ROR1: variants seen among roughly 807,000 people sequenced by gnomAD.
ROR1 encodes inactive tyrosine-protein kinase transmembrane receptor ROR1.
ROR1 carries 19 observed loss-of-function variants against 78.8 expected under a neutral mutation model. The ratio of observed to expected loss-of-function variants is 0.24; its 90% CI spans 0.17 to 0.35. The LOEUF (loss-of-function observed/expected upper bound fraction) is 0.35, where lower values mean the gene tolerates loss of function less well. Ranked by LOEUF, ROR1 falls within the 10% of genes least tolerant of loss-of-function variation. The pLI is 1.00. For synonymous variants in ROR1, 386 were observed against 433.6 expected, an observed-to-expected ratio of 0.89 and a Z score of 1.36; for missense variants, 917 against 1,177.8, an observed-to-expected ratio of 0.78 and a Z score of 3.24.
At chr1:63,951,417 A>G (rs182994264) in intron 1 of ROR1, among the ~76,000 whole-genome samples, 2 of 152,206 alleles carry the variant, frequency 1.3e-5, no homozygotes, top group Admixed American at 1.3e-4. Context: ...AATACAGATC[A>G]TGTCAGTCAA....
chr1:63,930,407 C>T (rs928624801), intron 1 of ROR1, among the ~76,000 whole-genome samples: 12 of 152,160 alleles, frequency 7.9e-5, no homozygotes, highest in African/African-American at 2.7e-4. Flanking sequence ...TAAAAATCAT[C>T]GTAAATCTCT....
intron 1 of ROR1, among the ~76,000 whole-genome samples, chr1:63,977,843 C>T (rs941417090): frequency 1.3e-5 from 2 of 152,172 alleles, no homozygotes; most frequent in African/African-American, 4.8e-5. Context: ...GTGGCATGCA[C>T]ATCTATACCA....
intron 1 of ROR1, among the ~76,000 whole-genome samples, chr1:63,822,233 A>C (rs969884054): frequency 6.6e-6 from 1 of 152,190 alleles, no homozygotes; most frequent in Non-Finnish European, 1.5e-5. Flanking sequence ...AAACTGTGGT[A>C]TATGTAACAG....
At chr1:63,948,993 T>A (rs1332190127) in intron 1 of ROR1, among the ~76,000 whole-genome samples, 1 of 152,180 alleles carries the variant, frequency 6.6e-6, no homozygotes, top group Non-Finnish European at 1.5e-5. Flanking sequence ...TTCATTGCTA[T>A]GACATTATAA....
intron 7 of ROR1, among the ~76,000 whole-genome samples, chr1:64,152,287 T>C (rs1649649564): frequency 6.6e-6 from 1 of 152,232 alleles, no homozygotes; most frequent in Non-Finnish European, 1.5e-5. Flanking sequence ...TGGGTCCTCC[T>C]ACATTTCCTT....
chr1:64,178,061 G>A lies in ROR1; in HGVS notation c.2020G>A (p.Asp674Asn). 1 of 1,614,156 alleles carries A rather than the reference G, an allele frequency of 6.2e-7. No individual in the cohort carries two copies. The highest frequency in any genetic ancestry group is 8.5e-7 in the Non-Finnish European group (1 of 1,180,040). ...GTATGGCAAATTCTCTTCTGATTCAGATATCTGGTCCTTTGGGGTTGTCTT... is the reference window on the plus strand; with the variant it reads ...GTATGGCAAATTCTCTTCTGATTCAAATATCTGGTCCTTTGGGGTTGTCTT... ...IMYGKFSSDS[D>N]IWSFGVVLWE... Residue 674 changes from aspartate to asparagine, a missense_variant, in exon 9 of 9, where the codon GAT (aspartate) becomes AAT (asparagine). Transcript: ENST00000371079. This position sits in a 1 kb window ranked among gnomAD's most constrained non-coding sequence, Gnocchi z 4.3.
At chr1:64,019,625 A>G (rs1260047589) in intron 2 of ROR1, among the ~76,000 whole-genome samples, 3 of 152,204 alleles carry the variant, frequency 2.0e-5, no homozygotes, top group Non-Finnish European at 4.4e-5. Context: ...AATAATACCA[A>G]TTATTAATAG....
At chr1:64,046,304 T>C (rs1646782752) in intron 2 of ROR1, among the ~76,000 whole-genome samples, 1 of 152,192 alleles carries the variant, frequency 6.6e-6, no homozygotes, top group Non-Finnish European at 1.5e-5. Context: ...TCGTTCTGCT[T>C]ACTAAGTAAG....
chr1:64,019,129 T>A (rs192564781), intron 2 of ROR1, among the ~76,000 whole-genome samples: 1 of 152,184 alleles, frequency 6.6e-6, no homozygotes, highest in African/African-American at 2.4e-5. Flanking sequence ...GGTCTCCAGG[T>A]GATTCTAGTG....
At position 63,995,577 on chromosome 1, in the gene ROR1, A is replaced by T. The variant is rs1186024935; in HGVS notation, c.92-13728A>T. Among the ~76,000 whole-genome samples the T allele has an allele frequency of 2.0e-4, 31 of 152,166 alleles. 1 individual carries two copies. Among genetic ancestry groups the T allele is most frequent in the Non-Finnish European group, 5.9e-5 (4 of 68,028 alleles). ...GAAATCTGGTCAGCTTATTTAGTGG[A>T]ATGATTATGGGCTTTGCAATCAGAA... On this transcript the variant is annotated intron_variant, in intron 1 of 8. Coordinates refer to ENST00000371079, the MANE Select transcript of ROR1 (RefSeq NM_005012.4).
chr1:63,823,668 G>A (rs1003353149), intron 1 of ROR1, among the ~76,000 whole-genome samples: 11 of 151,850 alleles, frequency 7.2e-5, no homozygotes, highest in Non-Finnish European at 1.5e-4. Context: ...GCACAGGCTG[G>A]TCCTGAACTC....
intron 1 of ROR1, among the ~76,000 whole-genome samples, chr1:63,847,169 G>A (rs1171703206): frequency 6.6e-6 from 1 of 152,112 alleles, no homozygotes; most frequent in East Asian, 1.9e-4. Flanking sequence ...AGAGGTGTTG[G>A]GGCTGTATGT....
intron 8 of ROR1, among the ~76,000 whole-genome samples, chr1:64,174,244 T>C (rs1325492983): frequency 1.3e-5 from 2 of 152,040 alleles, no homozygotes; most frequent in East Asian, 3.9e-4. Context: ...GAAACAGAGG[T>C]TCAGAAAAGT....
intron 5 of ROR1, 133 bp from the exon 6 acceptor site, chr1:64,139,976 C>T: frequency 1.3e-6 from 1 of 780,542 alleles, no homozygotes; most frequent in Non-Finnish European, 2.0e-6. Flanking sequence ...AATGAATCTC[C>T]TTCTCTGGGC....
chr1:63,837,829 ATAAG>A (rs1645027721), intron 1 of ROR1, among the ~76,000 whole-genome samples: 1 of 152,204 alleles, frequency 6.6e-6, no homozygotes, highest in Non-Finnish European at 1.5e-5. Flanking sequence ...CTCTTAAAAA[ATAAG>A]TATGTATGTA....
rs1557510128 is a variant in ROR1, at chr1:63,815,473, C to CT, written c.91+40969dup. Among the ~76,000 whole-genome samples the CT allele has an allele frequency of 5.2e-5, 5 of 96,102 alleles. No individual in the cohort carries two copies. The East Asian group carries it at 1.2e-3, about 23-fold the overall frequency. 63.0% of individuals were successfully genotyped at this position (96,102 alleles called of 152,430 possible). ...TTTTTTTTTCTTTTTCTTTTCTTTT[C>CT]TTTTCTTTTTCTTTTTTTTTTTTTT... On this transcript the variant is annotated intron_variant, in intron 1 of 8. Coordinates refer to ENST00000371079, the MANE Select transcript of ROR1 (RefSeq NM_005012.4).
At chr1:63,834,929 C>A (rs981294499) in intron 1 of ROR1, among the ~76,000 whole-genome samples, 1 of 152,096 alleles carries the variant, frequency 6.6e-6, no homozygotes, top group Non-Finnish European at 1.5e-5. Context: ...TCTAGACCTG[C>A]TGTTCATGGC....
At chr1:63,856,628 C>T (rs1180858348) in intron 1 of ROR1, among the ~76,000 whole-genome samples, 1 of 152,138 alleles carries the variant, frequency 6.6e-6, no homozygotes, top group Non-Finnish European at 1.5e-5. Flanking sequence ...CTGAGTTCTC[C>T]CTTTCCTCCA....
At chr1:63,916,378 G>C (rs1022115857) in intron 1 of ROR1, among the ~76,000 whole-genome samples, 3 of 152,070 alleles carry the variant, frequency 2.0e-5, no homozygotes, top group Non-Finnish European at 4.4e-5. Context: ...TTAAGGGAGT[G>C]GTAGGGATTG....
Sources: allele counts gnomAD v4.1 joint callset (sites outside exome capture counted in the v4.1 genomes callset), GRCh38; gene constraint gnomAD v4.1.1; non-coding constraint Gnocchi (gnomAD v3.1); transcripts MANE v1.5; gene names NCBI Gene and HGNC (gene_info 2026-07-23, HGNC 2026-07-21).